TRPM3: variants seen among roughly 807,000 people sequenced by gnomAD.
TRPM3 encodes the protein transient receptor potential cation channel subfamily M member 3.
TRPM3 carries 77 observed loss-of-function variants against 181.2 expected under a neutral mutation model. That is an observed-to-expected ratio of 0.42 (90% confidence interval 0.35 to 0.51). The LOEUF is 0.51. Ranked by LOEUF, TRPM3 falls within the 20% of genes least tolerant of loss-of-function variation. The probability of loss-of-function intolerance (pLI) is 0.01; values close to 1 mark genes in which losing one functional copy is unlikely to be tolerated. For synonymous variants in TRPM3, 745 were observed against 796.4 expected (o/e 0.94, Z 1.09); for missense variants, 1,759 against 2,196.7 (o/e 0.80, Z 3.98).
intron 25 of TRPM3, among the ~76,000 whole-genome samples, chr9:70,540,649 A>G (rs2043075016): frequency 6.6e-6 from 1 of 152,224 alleles, no homozygotes; most frequent in African/African-American, 2.4e-5. Flanking sequence ...GCAGTGAGCT[A>G]TGACTGTGCC....
chr9:70,953,471 T>A (rs2097027792), intron 1 of TRPM3, among the ~76,000 whole-genome samples: 1 of 152,266 alleles, frequency 6.6e-6, no homozygotes, highest in Non-Finnish European at 1.5e-5. Context: ...TGTGACATTG[T>A]CTTGCGTTTT....
chr9:71,076,198 CTGTT>C (rs1396540064), intron 1 of TRPM3, among the ~76,000 whole-genome samples: 2 of 152,150 alleles, frequency 1.3e-5, no homozygotes, highest in Middle Eastern at 3.2e-3. Flanking sequence ...TGCAAGACGG[CTGTT>C]TGTTAAACTG....
At chr9:71,418,060 G>A (rs2093664445) in intron 1 of TRPM3, among the ~76,000 whole-genome samples, 2 of 151,788 alleles carry the variant, frequency 1.3e-5, no homozygotes, top group Non-Finnish European at 2.9e-5. Context: ...TTTAAAGGAT[G>A]AGTGAATTGT....
At chr9:71,372,554 C>A (rs1284185624) in intron 1 of TRPM3, among the ~76,000 whole-genome samples, 1 of 152,126 alleles carries the variant, frequency 6.6e-6, no homozygotes, top group Non-Finnish European at 1.5e-5. Flanking sequence ...TTCTGACTGG[C>A]ATGAGATGGT....
intron 1 of TRPM3, among the ~76,000 whole-genome samples, chr9:70,986,849 A>G (rs1174406972): frequency 6.6e-6 from 1 of 152,054 alleles, no homozygotes; most frequent in African/African-American, 2.4e-5. Context: ...TATCATAGTC[A>G]TCCCTCAAGG....
At chr9:71,414,124 A>G (rs1205205319) in intron 1 of TRPM3, among the ~76,000 whole-genome samples, 1 of 152,144 alleles carries the variant, frequency 6.6e-6, no homozygotes, top group Non-Finnish European at 1.5e-5. Flanking sequence ...CATAATGCTT[A>G]TGGCAGCTAT....
chr9:71,259,797 C>A (rs538007264), intron 1 of TRPM3, among the ~76,000 whole-genome samples: 2 of 152,002 alleles, frequency 1.3e-5, no homozygotes, highest in South Asian at 2.1e-4. Context: ...TAGCCCTTTG[C>A]CAGAAGGTTT....
chr9:70,536,387 C>T lies in TRPM3; in HGVS notation c.4726G>A (p.Asp1576Asn). 1.9e-6 allele frequency: 3 copies of T among 1,614,132 alleles called. No homozygotes were observed. Among genetic ancestry groups the T allele is most frequent in the Non-Finnish European group, 2.5e-6 (3 of 1,180,038 alleles). The change falls in exon 26 of 26, where the codon GAC (aspartate) becomes AAC (asparagine). Residue 1576 changes from aspartate to asparagine, a missense_variant. Asp to Asn is a conservative substitution (Grantham distance 23, BLOSUM62 1). Transcript: ENST00000677713. The stretch of plus-strand genomic sequence containing the variant: ...AGACCTCCAGGGAAGGCAGCTCTGT[C>T]CGCAATTGCTTGAGGGGCATTGACA... ...RCVNAPQAIA[D>N]RAAFPGGLGD...
At chr9:70,811,475 G>A (rs1372286374) in intron 6 of TRPM3, among the ~76,000 whole-genome samples, 2 of 152,176 alleles carry the variant, frequency 1.3e-5, no homozygotes, top group Non-Finnish European at 2.9e-5. Context: ...GCTGGAGGAA[G>A]TATCATTCTT....
chr9:71,079,581 C>A (rs2063934912), intron 1 of TRPM3, among the ~76,000 whole-genome samples: 1 of 152,136 alleles, frequency 6.6e-6, no homozygotes, highest in African/African-American at 2.4e-5. Flanking sequence ...GAACTGTACC[C>A]TCTGGTTGGA....
intron 1 of TRPM3, among the ~76,000 whole-genome samples, chr9:71,357,997 G>A (rs2091977129): frequency 1.3e-5 from 2 of 152,152 alleles, no homozygotes; most frequent in Non-Finnish European, 2.9e-5. Flanking sequence ...GGGCCTTGGG[G>A]AGTAGGAAAA....
intron 10 of TRPM3, among the ~76,000 whole-genome samples, chr9:70,639,859 TCCATC>T: frequency 6.6e-6 from 1 of 152,236 alleles, no homozygotes; most frequent in East Asian, 1.9e-4. Flanking sequence ...AGACAGGGGC[TCCATC>T]CCAGGCAGAA....
intron 1 of TRPM3, among the ~76,000 whole-genome samples, chr9:71,192,953 T>C (rs186273507): frequency 6.6e-6 from 1 of 152,002 alleles, no homozygotes; most frequent in Admixed American, 6.6e-5. Flanking sequence ...TGCTGTCAAA[T>C]ACATATCATT....
chr9:71,342,281 T>C (rs2091014347), intron 1 of TRPM3, among the ~76,000 whole-genome samples: 1 of 147,982 alleles, frequency 6.8e-6, no homozygotes, highest in African/African-American at 2.4e-5. Context: ...AATAAATATA[T>C]ATGCTTTTAC....
At chr9:70,795,894 A>C (rs2086894914) in intron 6 of TRPM3, among the ~76,000 whole-genome samples, 1 of 152,248 alleles carries the variant, frequency 6.6e-6, no homozygotes, top group South Asian at 2.1e-4. Flanking sequence ...ATTTCAATAG[A>C]AAAAGGATGG....
chr9:71,159,137 A>AG (rs2076153285), intron 1 of TRPM3, among the ~76,000 whole-genome samples: 4 of 113,372 alleles, frequency 3.5e-5, no homozygotes, highest in South Asian at 6.0e-4. Context: ...GAGAGAGAGA[A>AG]AGATGTCCAT....
At chr9:70,582,703 G>A (rs899395249) in intron 22 of TRPM3, among the ~76,000 whole-genome samples, 6 of 152,086 alleles carry the variant, frequency 3.9e-5, no homozygotes, top group South Asian at 2.1e-4. Flanking sequence ...CATATGTGAC[G>A]AGCAGCTATG....
chr9:71,256,532 A>C (rs1457797521), intron 1 of TRPM3, among the ~76,000 whole-genome samples: 1 of 152,130 alleles, frequency 6.6e-6, no homozygotes, highest in South Asian at 2.1e-4. Flanking sequence ...AGGGGAAAAA[A>C]AAAGATTCCT....
chr9:71,326,699 C>A (rs1781748808), intron 1 of TRPM3, among the ~76,000 whole-genome samples: 1 of 152,168 alleles, frequency 6.6e-6, no homozygotes, highest in Admixed American at 6.6e-5. Flanking sequence ...CTCAGGGATA[C>A]CCTTTTGTGT....
Sources: gnomAD v4.1 joint callset for allele counts (sites outside exome capture counted in the v4.1 genomes callset) on GRCh38, gnomAD v4.1.1 for gene constraint, MANE v1.5 for transcripts, NCBI Gene and HGNC (gene_info 2026-07-23, HGNC 2026-07-21) for gene names.